Variants in EFR3B observed in about 807,000 individuals in gnomAD.
The protein encoded by EFR3B is protein EFR3 homolog B.
In EFR3B, 64 loss-of-function variants were observed where a neutral mutation model predicts 104.7. The observed-to-expected ratio is 0.61, with a 90% CI of 0.50 to 0.75. The LOEUF (loss-of-function observed/expected upper bound fraction) is 0.75, where lower values mean the gene tolerates loss of function less well. Among genes scored for constraint, EFR3B ranks in the 30% least tolerant of loss-of-function variants. EFR3B has a pLI of 0.00. For missense variants in EFR3B, 750 were observed against 1,078.5 expected (o/e 0.70, Z 4.27); for synonymous variants, 385 against 417.9 (o/e 0.92, Z 0.96).
chr2:25,067,594 C>G (rs1235858911), intron 1 of EFR3B, among the ~76,000 whole-genome samples: 3 of 152,014 alleles, frequency 2.0e-5, no homozygotes, highest in Non-Finnish European at 4.4e-5. Context: ...GCCACCCCGC[C>G]TGGCTAATTT....
intron 19 of EFR3B, 174 bp downstream of exon 19, chr2:25,145,225 G>C (rs774460931): frequency 6.4e-6 from 4 of 627,034 alleles, no homozygotes; most frequent in African/African-American, 3.7e-5. Context: ...ACTTCCCTTC[G>C]GAAAAATTGT....
At chr2:25,141,216 A>T in intron 16 of EFR3B, 150 bp from the exon 17 acceptor site, 2 of 743,822 alleles carry the variant, frequency 2.7e-6, no homozygotes, top group South Asian at 4.2e-5. Flanking sequence ...TGTTGATGCG[A>T]GTTTCCACTG....
rs533130076 is a variant in EFR3B, at chr2:25,137,730, A to C, written c.1722+228A>C. ...GTCTTGGCCCGTCCTTAAGCTAAAG[A>C]AGACCCAGGGAACCGGGTCGTTCAG... is the stretch of plus-strand genomic sequence containing the variant. On this transcript the variant is annotated intron_variant, in intron 15 of 22. Coordinates refer to ENST00000403714, the MANE Select transcript of EFR3B (RefSeq NM_014971.2). This position sits in a 1 kb window ranked among gnomAD's most constrained non-coding sequence, Gnocchi z 4.7. Among the ~76,000 whole-genome samples, 3 of 152,202 alleles carry C rather than the reference A, an allele frequency of 2.0e-5. No homozygotes were observed. Among genetic ancestry groups the C allele is most frequent in the Non-Finnish European group, 4.4e-5 (3 of 68,032 alleles).
intron 15 of EFR3B, among the ~76,000 whole-genome samples, chr2:25,138,389 G>A (rs1281408401): frequency 6.6e-6 from 1 of 152,146 alleles, no homozygotes; most frequent in Non-Finnish European, 1.5e-5. Context: ...CTTCCTGGGT[G>A]CGTGTGTACA....
At chr2:25,079,310 C>T (rs773041022) in intron 1 of EFR3B, among the ~76,000 whole-genome samples, 7 of 152,140 alleles carry the variant, frequency 4.6e-5, no homozygotes, top group Non-Finnish European at 8.8e-5. Context: ...GTGGCTGTGG[C>T]GAAGGAGAGC....
intron 5 of EFR3B, 42 bp from the exon 6 acceptor site, chr2:25,128,141 G>T: frequency 6.5e-7 from 1 of 1,550,198 alleles, no homozygotes; most frequent in Non-Finnish European, 8.7e-7. Context: ...ACTTCTCAGG[G>T]CTAGAGGACT....
rs1340308691 is a variant in EFR3B, at chr2:25,137,531, G to A, written c.1722+29G>A. 1.9e-6 allele frequency: 3 copies of A among 1,551,296 alleles called. No individual in the cohort carries two copies. Among genetic ancestry groups the A allele is most frequent in the African/African-American group, 2.7e-5 (2 of 73,058 alleles). On this transcript the variant is annotated intron_variant, in intron 15 of 22. Transcript: ENST00000403714. The surrounding 1 kb of genome is among the most constrained non-coding windows in gnomAD (Gnocchi z 4.7). Reference sequence around the variant, plus strand: ...GGGCCTGGTGTGCGCAGGGCATGGGGCTTGGGATCAGGGGAGGGACTTGTT... The same window carrying A: ...GGGCCTGGTGTGCGCAGGGCATGGGACTTGGGATCAGGGGAGGGACTTGTT...
intron 4 of EFR3B, among the ~76,000 whole-genome samples, chr2:25,112,337 C>G (rs763306286): frequency 1.1e-4 from 17 of 152,238 alleles, no homozygotes; most frequent in Non-Finnish European, 1.9e-4. Flanking sequence ...TGGGGCTGCC[C>G]AGGGCCAGCA....
chr2:25,066,746 C>T (rs1668347132), intron 1 of EFR3B, among the ~76,000 whole-genome samples: 1 of 152,160 alleles, frequency 6.6e-6, no homozygotes, highest in Non-Finnish European at 1.5e-5. Context: ...ATGTCTAATG[C>T]ACTTGATGCA....
intron 1 of EFR3B, among the ~76,000 whole-genome samples, chr2:25,086,559 C>T (rs1668955801): frequency 6.6e-6 from 1 of 152,128 alleles, no homozygotes; most frequent in Non-Finnish European, 1.5e-5. Flanking sequence ...CTGCATATCT[C>T]CTTTGCTGCG....
intron 3 of EFR3B, among the ~76,000 whole-genome samples, chr2:25,096,174 C>A (rs1669271677): frequency 1.3e-5 from 2 of 152,178 alleles, no homozygotes; most frequent in South Asian, 4.1e-4. Context: ...TGCCACCACA[C>A]CTGGCTAATT....
intron 1 of EFR3B, among the ~76,000 whole-genome samples, chr2:25,082,308 G>A (rs1668831374): frequency 6.6e-6 from 1 of 152,222 alleles, no homozygotes; most frequent in Non-Finnish European, 1.5e-5. Flanking sequence ...GGGGTTGGGG[G>A]AGTGAGGACA....
At chr2:25,045,783 C>CAA (rs11379149) in intron 1 of EFR3B, among the ~76,000 whole-genome samples, 5 of 138,592 alleles carry the variant, frequency 3.6e-5, no homozygotes, top group East Asian at 2.1e-4. Context: ...GACTCCATCT[C>CAA]AAAAAAAAAA....
Position 25,132,941 on chromosome 2 carries a change from G to T in EFR3B, c.1186G>T (p.Glu396Ter). The T allele has an allele frequency of 6.4e-7, 1 of 1,551,486 alleles. No individual in the cohort carries two copies. The highest frequency in any genetic ancestry group is 1.2e-5 in the South Asian group (1 of 84,038). ...CACGCTGCCCACCTACCAGCGCTCC[G>T]AGGTGATCCTCTTCATCATGAGCAA... ...ASTLPTYQRS[E>*]VILFIMSKVP... Residue 396 changes from glutamate (E) to a stop codon, truncating the protein, a stop_gained, in exon 11 of 23, where the codon GAG (glutamate) becomes TAG (stop). Transcript: ENST00000403714. LOFTEE classifies it high-confidence loss of function.
chr2:25,152,477 G>A (rs952246007), intron 21 of EFR3B, among the ~76,000 whole-genome samples: 1 of 152,086 alleles, frequency 6.6e-6, no homozygotes, highest in Non-Finnish European at 1.5e-5. Context: ...GTTACAGAGT[G>A]ATGGGGGAGG....
At position 25,135,567 on chromosome 2, in the gene EFR3B, G is replaced by A. The variant is rs1670493839; in HGVS notation, c.1412G>A (p.Arg471Gln). 1.3e-6 allele frequency: 2 copies of A among 1,551,934 alleles called. No individual in the cohort carries two copies. Among genetic ancestry groups the A allele is most frequent in the Non-Finnish European group, 1.7e-6 (2 of 1,147,054 alleles). The change falls in exon 13 of 23, where the codon CGA becomes CAA. Residue 471 changes from arginine to glutamine, a missense_variant. Arg to Gln is a conservative substitution (Grantham distance 43, BLOSUM62 1). Transcript: ENST00000403714. ...STALMEDAEIRLFVLEILISF... is the reference protein window; with the variant it reads ...STALMEDAEIQLFVLEILISF... The stretch of plus-strand genomic sequence containing the variant: ...GCCCTCATGGAGGATGCAGAAATTC[G>A]ACTCTTTGTTCTAGAGATTCTCATC...
intron 1 of EFR3B, among the ~76,000 whole-genome samples, chr2:25,053,897 A>C (rs1667950119): frequency 1.3e-5 from 2 of 152,178 alleles, no homozygotes; most frequent in Non-Finnish European, 2.9e-5. Flanking sequence ...ACAGAGCGAG[A>C]CTCCGTCAAA....
At chr2:25,116,631 A>C (rs1403213735) in intron 4 of EFR3B, among the ~76,000 whole-genome samples, 3 of 146,322 alleles carry the variant, frequency 2.1e-5, no homozygotes, top group African/African-American at 7.5e-5. Flanking sequence ...CAAAAAAAAA[A>C]TTTTTTTTTT....
intron 1 of EFR3B, among the ~76,000 whole-genome samples, chr2:25,054,606 C>T (rs1423434161): frequency 6.6e-6 from 1 of 152,170 alleles, no homozygotes; most frequent in Non-Finnish European, 1.5e-5. Context: ...CCGCACCTGA[C>T]CCATGCAAGT....
Sources: gnomAD v4.1 joint callset for allele counts (sites outside exome capture counted in the v4.1 genomes callset) on GRCh38, gnomAD v4.1.1 for gene constraint, Gnocchi (gnomAD v3.1) non-coding constraint, MANE v1.5 for transcripts, NCBI Gene and HGNC (gene_info 2026-07-23, HGNC 2026-07-21) for gene names.